The following CELA3B variants were observed in gnomAD, a reference collection of about 807,000 sequenced individuals.
CELA3B encodes chymotrypsin-like elastase family member 3B.
CELA3B carries 34 observed loss-of-function variants against 37.2 expected under a neutral mutation model. That is an observed-to-expected ratio of 0.91 (90% CI 0.70 to 1.22). CELA3B has a LOEUF of 1.22. CELA3B is among the 50% of genes most tolerant of loss of function. The pLI is 0.00. For synonymous variants in CELA3B, 127 were observed against 143.5 expected (o/e 0.89, Z 0.82); for missense variants, 340 against 363.1 (o/e 0.94, Z 0.52).
Position 21,996,309 on chromosome 1 carries a change from T to C in CELA3B, c.505-1842T>C, listed in dbSNP as rs567917466. Among the ~76,000 whole-genome samples the C allele has an allele frequency of 4.0e-5, 6 of 151,138 alleles. No individual in the cohort carries two copies. In the South Asian group the frequency reaches 1.0e-3, roughly 26 times the overall value. On this transcript the variant is annotated intron_variant, in intron 4 of 4. Coordinates refer to the CELA3B transcript ENST00000400277. ...GGAGATCCACACAAAATACAGCTCA[T>C]AAAGACCTTGCTGATAAAACAGTTT...
downstream of CELA3B, among the ~76,000 whole-genome samples, chr1:21,994,135 G>A (rs1201084836): frequency 1.3e-5 from 2 of 151,364 alleles, no homozygotes; most frequent in African/African-American, 4.9e-5. Flanking sequence ...AGAAGCTCCA[G>A]TCCTTAGATT....
intron 2 of CELA3B, among the ~76,000 whole-genome samples, chr1:21,980,338 G>A (rs1644796722): frequency 6.6e-6 from 1 of 151,678 alleles, no homozygotes; most frequent in Non-Finnish European, 1.5e-5. Context: ...AATTAGCCAG[G>A]CACGACGGCA....
At chr1:21,996,378 A>G (rs895196215) in intron 4 of CELA3B, among the ~76,000 whole-genome samples, 2 of 151,184 alleles carry the variant, frequency 1.3e-5, no homozygotes, top group African/African-American at 2.5e-5. Context: ...AAAGATAGCC[A>G]TGAGAGTGAC....
chr1:21,992,304 G>A (rs1320771998), downstream of CELA3B, among the ~76,000 whole-genome samples: 2 of 151,550 alleles, frequency 1.3e-5, no homozygotes, highest in Admixed American at 1.3e-4. Flanking sequence ...GAGACAGGAG[G>A]GTAGCTTGAA....
chr1:21,995,874 C>T (rs1485783384), intron 4 of CELA3B, among the ~76,000 whole-genome samples: 1 of 148,230 alleles, frequency 6.7e-6, no homozygotes, highest in Non-Finnish European at 1.5e-5. Flanking sequence ...AGATGGCCAC[C>T]TTCCCTCTCC....
chr1:21,992,924 CACT>C (rs546238467), downstream of CELA3B, among the ~76,000 whole-genome samples: 627 of 148,446 alleles, frequency 4.2e-3, 4 homozygotes, highest in Middle Eastern at 0.069. Context: ...GTGATTGCAC[CACT>C]GTACCACTCC....
chr1:21,978,954 G>A (rs1644787859), intron 2 of CELA3B, among the ~76,000 whole-genome samples: 3 of 151,706 alleles, frequency 2.0e-5, no homozygotes, highest in Non-Finnish European at 4.4e-5. Context: ...GGCTGAGGCA[G>A]GAGAATCCCT....
intron 2 of CELA3B, among the ~76,000 whole-genome samples, chr1:21,980,525 G>A (rs1346239479): frequency 1.3e-5 from 2 of 150,102 alleles, no homozygotes; most frequent in African/African-American, 2.4e-5. Context: ...TAGAACAGAG[G>A]GCCTTCAAGG....
intron 7 of CELA3B, among the ~76,000 whole-genome samples, chr1:21,988,952 T>C (rs1444870112): frequency 6.6e-6 from 1 of 151,828 alleles, no homozygotes; most frequent in African/African-American, 2.4e-5. Flanking sequence ...TACATACATA[T>C]ATATACACAC....
chr1:21,984,851 A>T (rs928722923), intron 6 of CELA3B, among the ~76,000 whole-genome samples: 1 of 151,200 alleles, frequency 6.6e-6, no homozygotes, highest in African/African-American at 2.4e-5. Flanking sequence ...GGAGGCTGAG[A>T]CAGGAGAATC....
At chr1:21,977,767 T>C (rs963727207) in intron 1 of CELA3B, 36 of 317,164 alleles carry the variant, frequency 1.1e-4, no homozygotes, top group Non-Finnish European at 2.0e-4. Context: ...TCTTGCTTTG[T>C]TGCCCAGACT....
At chr1:21,985,897 A>T (rs1422847417) in intron 6 of CELA3B, among the ~76,000 whole-genome samples, 6 of 112,820 alleles carry the variant, frequency 5.3e-5, no homozygotes, top group Non-Finnish European at 1.1e-4. Context: ...ACTCAGAAAA[A>T]AAAAGAATAC....
intron 7 of CELA3B, among the ~76,000 whole-genome samples, chr1:21,988,716 CCT>C (rs1270563153): frequency 6.6e-6 from 1 of 151,694 alleles, no homozygotes; most frequent in Non-Finnish European, 1.5e-5. Context: ...AAGGTGAAAC[CCT>C]GTCTCTACTA....
intron 6 of CELA3B, among the ~76,000 whole-genome samples, chr1:21,986,195 C>A (rs1644837606): frequency 6.6e-6 from 1 of 151,178 alleles, no homozygotes; most frequent in Admixed American, 6.6e-5. Context: ...ATGGTGAAAT[C>A]CCATCTCTAT....
Position 21,995,000 on chromosome 1 carries a change from CAAAA to C in CELA3B, c.505-3129_505-3126del, listed in dbSNP as rs61509449. Among the ~76,000 whole-genome samples, 348 of 54,000 alleles carry C rather than the reference CAAAA, an allele frequency of 6.4e-3. 2 individuals carry two copies. Among genetic ancestry groups the C allele is most frequent in the African/African-American group, 0.024 (326 of 13,516 alleles). 35.4% of individuals were successfully genotyped at this position (54,000 alleles called of 152,430 possible). On this transcript the variant is annotated intron_variant, in intron 4 of 4. Transcript: ENST00000400277. ...CTGGGCGACAGAGTGAGACTTGTCT[CAAAA>C]AAAAAAAAAAAAAAAAAAAAATCCT...
chr1:21,989,253 C>G lies in CELA3B; in HGVS notation c.796-9C>G, dbSNP rs1226419574. On this transcript the variant is annotated splice_polypyrimidine_tract_variant and intron_variant, in intron 7 of 7. Transcript: ENST00000337107. ...TTGACTATTCTGTCTGCCCCCCCAA[C>G]TTTTCCAGACCATAGCAAGCCACTA... 3.2e-5 allele frequency: 48 copies of G among 1,507,850 alleles called. No homozygotes were observed. In the African/African-American group the frequency reaches 6.3e-4, roughly 20 times the overall value. The allele number at this position is 1,507,850 out of a possible 1,614,324, so 93.4% of individuals were successfully genotyped here. A position where few individuals can be genotyped will look rare whatever the true frequency, so the allele number is the denominator to read the frequency against.
intron 7 of CELA3B, chr1:21,986,976 G>C (rs3806296): frequency 0.37 from 153,291 of 410,108 alleles, 30,774 homozygotes; most frequent in East Asian, 0.65. Context: ...AGGATAGAGA[G>C]ACATGCCAGA....
intron 2 of CELA3B, among the ~76,000 whole-genome samples, chr1:21,979,726 T>A (rs1268345513): frequency 6.6e-6 from 1 of 151,388 alleles, no homozygotes; most frequent in Non-Finnish European, 1.5e-5. Context: ...AGTGCTGGGA[T>A]TATAGGCGTG....
chr1:21,989,653 G>T (rs1220808107), downstream of CELA3B, among the ~76,000 whole-genome samples: 1 of 150,582 alleles, frequency 6.6e-6, no homozygotes, highest in Non-Finnish European at 1.5e-5. Context: ...TTCAATGCAG[G>T]CATATAAACA....
Sources: gnomAD v4.1 joint callset for allele counts (sites outside exome capture counted in the v4.1 genomes callset) on GRCh38, gnomAD v4.1.1 for gene constraint, MANE v1.5 for transcripts, NCBI Gene and HGNC (gene_info 2026-07-23, HGNC 2026-07-21) for gene names.